Variants in SLC6A11 observed in about 807,000 individuals in gnomAD.
SLC6A11 encodes sodium- and chloride-dependent GABA transporter 3.
SLC6A11 carries 25 observed loss-of-function variants against 74.8 expected under a neutral mutation model. The ratio of observed to expected loss-of-function variants is 0.33; its 90% CI spans 0.24 to 0.47. The LOEUF (loss-of-function observed/expected upper bound fraction) is 0.47, where lower values mean the gene tolerates loss of function less well. SLC6A11 is among the 20% of genes least tolerant of loss of function. SLC6A11 has a pLI of 1.00. For synonymous variants in SLC6A11, 330 were observed against 330.2 expected (o/e 1.00, Z 0.01); for missense variants, 574 against 837.0 (o/e 0.69, Z 3.88).
At chr3:10,817,217 T>C (rs948630738) in intron 1 of SLC6A11, among the ~76,000 whole-genome samples, 1 of 152,086 alleles carries the variant, frequency 6.6e-6, no homozygotes, top group Non-Finnish European at 1.5e-5. Flanking sequence ...GCCCCTCTGG[T>C]GGAAGAATTG....
At chr3:10,898,918 A>G (rs921013670) in intron 6 of SLC6A11, among the ~76,000 whole-genome samples, 1 of 152,248 alleles carries the variant, frequency 6.6e-6, no homozygotes, top group Non-Finnish European at 1.5e-5. Flanking sequence ...TAACAGTTCC[A>G]TGTAGCTGGG....
intron 4 of SLC6A11, among the ~76,000 whole-genome samples, chr3:10,843,256 T>G (rs1694460541): frequency 6.6e-6 from 1 of 152,108 alleles, no homozygotes; most frequent in African/African-American, 2.4e-5. Flanking sequence ...TTAGCTTAGC[T>G]CACCCGGAGT....
At chr3:10,830,813 A>G (rs778153599) in intron 4 of SLC6A11, among the ~76,000 whole-genome samples, 14 of 152,164 alleles carry the variant, frequency 9.2e-5, no homozygotes, top group Non-Finnish European at 1.8e-4. Context: ...AAGGGTTTGC[A>G]GTGATTCTGT....
intron 6 of SLC6A11, among the ~76,000 whole-genome samples, chr3:10,880,802 A>G (rs552003454): frequency 3.3e-5 from 5 of 152,242 alleles, no homozygotes; most frequent in South Asian, 2.1e-4. Context: ...CCATTCATCT[A>G]TCACCAGAGC....
At chr3:10,911,954 G>A (rs901732199) in intron 6 of SLC6A11, 136 bp from the exon 7 acceptor site, 1 of 689,700 alleles carries the variant, frequency 1.4e-6, no homozygotes, top group South Asian at 1.7e-5. Flanking sequence ...GTCCTGGGTA[G>A]GTTAGGAAGT....
At chr3:10,849,097 G>A (rs1694540428) in intron 5 of SLC6A11, among the ~76,000 whole-genome samples, 1 of 152,152 alleles carries the variant, frequency 6.6e-6, no homozygotes, top group East Asian at 1.9e-4. Flanking sequence ...AATAGCTGCA[G>A]TTTTAGTTCT....
At chr3:10,905,718 A>G (rs1381395064) in intron 6 of SLC6A11, among the ~76,000 whole-genome samples, 1 of 152,212 alleles carries the variant, frequency 6.6e-6, no homozygotes, top group African/African-American at 2.4e-5. Context: ...TATATCAGTT[A>G]TGCTTTCTGT....
At chr3:10,921,323 A>C (rs999181870) in intron 8 of SLC6A11, among the ~76,000 whole-genome samples, 1 of 152,188 alleles carries the variant, frequency 6.6e-6, no homozygotes. Flanking sequence ...TTAGGTCCTG[A>C]GGTCTGTTTT....
intron 6 of SLC6A11, among the ~76,000 whole-genome samples, chr3:10,888,719 C>G (rs1695072796): frequency 6.6e-6 from 1 of 152,182 alleles, no homozygotes; most frequent in African/African-American, 2.4e-5. Context: ...TGGTGAGAAC[C>G]TTGGAGAGTC....
intron 6 of SLC6A11, among the ~76,000 whole-genome samples, chr3:10,883,104 T>C (rs1695002731): frequency 6.6e-6 from 1 of 152,114 alleles, no homozygotes; most frequent in South Asian, 2.1e-4. Context: ...GGACCTTTAT[T>C]GTGGATCCAG....
intron 5 of SLC6A11, among the ~76,000 whole-genome samples, chr3:10,874,379 G>A (rs557661749): frequency 2.0e-5 from 3 of 152,324 alleles, no homozygotes; most frequent in Admixed American, 6.5e-5. Context: ...CCTAGCCTGT[G>A]ATGAGGTATG....
At chr3:10,835,048 G>A (rs1264444205) in intron 4 of SLC6A11, among the ~76,000 whole-genome samples, 1 of 152,196 alleles carries the variant, frequency 6.6e-6, no homozygotes, top group Non-Finnish European at 1.5e-5. Flanking sequence ...GTGCAGGGCT[G>A]CTCCTGATGC....
At chr3:10,924,387 C>G (rs1288235965) in intron 8 of SLC6A11, among the ~76,000 whole-genome samples, 1 of 151,992 alleles carries the variant, frequency 6.6e-6, no homozygotes, top group Non-Finnish European at 1.5e-5. Context: ...AACATACTGA[C>G]CGAGTCAAAA....
intron 4 of SLC6A11, among the ~76,000 whole-genome samples, chr3:10,837,796 G>A (rs979321278): frequency 1.2e-4 from 18 of 152,222 alleles, no homozygotes; most frequent in Non-Finnish European, 2.2e-4. Context: ...CCCTGGCTTG[G>A]TTTAGGGGCC....
intron 6 of SLC6A11, among the ~76,000 whole-genome samples, 178 bp downstream of exon 6, chr3:10,875,273 A>C (rs1037915508): frequency 4.6e-5 from 7 of 152,224 alleles, no homozygotes; most frequent in Admixed American, 3.9e-4. Context: ...AAATATTTTG[A>C]AATACCGTTA....
intron 5 of SLC6A11, among the ~76,000 whole-genome samples, chr3:10,871,215 G>A (rs1694824584): frequency 6.6e-6 from 1 of 152,188 alleles, no homozygotes; most frequent in Non-Finnish European, 1.5e-5. Flanking sequence ...CACTGGCTCA[G>A]TCTACCCAGT....
intron 4 of SLC6A11, among the ~76,000 whole-genome samples, chr3:10,837,566 C>T (rs1486642226): frequency 6.6e-6 from 1 of 152,184 alleles, no homozygotes; most frequent in Non-Finnish European, 1.5e-5. Context: ...AATAGCTGTC[C>T]TCACCTGAGA....
intron 1 of SLC6A11, among the ~76,000 whole-genome samples, chr3:10,818,846 T>A (rs995497458): frequency 2.0e-5 from 3 of 152,210 alleles, no homozygotes; most frequent in Non-Finnish European, 4.4e-5. Context: ...GTGGTGGTCT[T>A]TTCCTGGACC....
In SLC6A11 at chr3:10,879,835, C is replaced by T. The variant is rs76902775; in HGVS notation, c.891+4740C>T. On this transcript the variant is annotated intron_variant, in intron 6 of 13. Transcript: ENST00000254488. Reference sequence around the variant, plus strand: ...TCCAAAGTTTGAAACCTTCTGTGTACCGACATGGCTCTCAAAGGAAATGCT... The same window carrying T: ...TCCAAAGTTTGAAACCTTCTGTGTATCGACATGGCTCTCAAAGGAAATGCT... Among the ~76,000 whole-genome samples the T allele has an allele frequency of 5.8e-3, 877 of 152,126 alleles. 7 individuals carry two copies. Among genetic ancestry groups the T allele is most frequent in the African/African-American group, 0.019 (802 of 41,480 alleles).
Sources: gnomAD v4.1 joint callset for allele counts (sites outside exome capture counted in the v4.1 genomes callset) on GRCh38, gnomAD v4.1.1 for gene constraint, MANE v1.5 for transcripts, NCBI Gene and HGNC (gene_info 2026-07-23, HGNC 2026-07-21) for gene names.